Variants in ADAMTS9 observed in about 807,000 individuals in gnomAD.
ADAMTS9 encodes the protein ADAM metallopeptidase with thrombospondin type 1 motif 9, also known as A disintegrin and metalloproteinase with thrombospondin motifs 9.
ADAMTS9 carries 107 observed loss-of-function variants against 257.1 expected under a neutral mutation model. That is an observed-to-expected ratio of 0.42 (90% CI 0.36 to 0.49). The LOEUF (loss-of-function observed/expected upper bound fraction) is 0.49. Among genes scored for constraint, ADAMTS9 ranks in the 20% least tolerant of loss-of-function variants. The probability of loss-of-function intolerance (pLI) is 0.03; values close to 1 mark genes in which losing one functional copy is unlikely to be tolerated. For synonymous variants in ADAMTS9, 982 were observed against 880.9 expected (o/e 1.11, Z -2.03); for missense variants, 2,353 against 2,469.1 (o/e 0.95, Z 1.00).
Position 64,687,206 on chromosome 3 carries a change from A to G in ADAMTS9, c.116-238T>C, listed in dbSNP as rs1186621690. ...AGACAATTAACAAGTCAAAATATATATGATTTCAGATATTGATAAATAACC... is the reference window on the plus strand; with the variant it reads ...AGACAATTAACAAGTCAAAATATATGTGATTTCAGATATTGATAAATAACC... On this transcript the variant is annotated intron_variant, in intron 1 of 39. Coordinates refer to ENST00000498707, the MANE Select transcript of ADAMTS9 (RefSeq NM_182920.2). The surrounding 1 kb of genome is among the most constrained non-coding windows in gnomAD (Gnocchi z 4.4). Among the ~76,000 whole-genome samples, 1 of 152,188 alleles carries G rather than the reference A, an allele frequency of 6.6e-6. No individual in the cohort carries two copies. Among genetic ancestry groups the G allele is most frequent in the Non-Finnish European group, 1.5e-5 (1 of 68,034 alleles).
chr3:64,536,592 T>G (rs2106901160), intron 37 of ADAMTS9, among the ~76,000 whole-genome samples: 1 of 152,298 alleles, frequency 6.6e-6, no homozygotes, highest in East Asian at 1.9e-4. Context: ...ACACTTAGGT[T>G]CAAATCCAGA....
intron 30 of ADAMTS9, among the ~76,000 whole-genome samples, chr3:64,559,566 T>C (rs2083386412): frequency 1.3e-5 from 2 of 152,222 alleles, no homozygotes; most frequent in Admixed American, 6.5e-5. Flanking sequence ...GCTTCTTAAA[T>C]AGAGGCCCAG....
At chr3:64,539,063 G>C (rs2083088612) in intron 37 of ADAMTS9, 140 bp downstream of exon 37, 2 of 748,802 alleles carry the variant, frequency 2.7e-6, no homozygotes, top group African/African-American at 3.5e-5. Flanking sequence ...GAGCATTTGA[G>C]AGGGTCTTGA....
intron 11 of ADAMTS9, 137 bp downstream of exon 11, chr3:64,647,803 T>C (rs1700833946): frequency 4.8e-6 from 3 of 628,790 alleles, no homozygotes; most frequent in Admixed American, 7.1e-5. Context: ...CTTCTAAACA[T>C]CTGTCCTCTA....
At chr3:64,681,731 AT>A (rs939516335) in intron 2 of ADAMTS9, among the ~76,000 whole-genome samples, 1 of 151,968 alleles carries the variant, frequency 6.6e-6, no homozygotes, top group African/African-American at 2.4e-5. Context: ...TTTTGTAGAG[AT>A]GGGGGTCTCA....
At chr3:64,603,792 A>T in intron 25 of ADAMTS9, 130 bp downstream of exon 25, 1 of 1,096,356 alleles carries the variant, frequency 9.1e-7, no homozygotes, top group South Asian at 1.5e-5. Context: ...GCACAATTTA[A>T]ATCATAAGAC....
chr3:64,579,460 T>C (rs182503897), intron 28 of ADAMTS9, among the ~76,000 whole-genome samples: 3 of 152,346 alleles, frequency 2.0e-5, no homozygotes, highest in African/African-American at 2.4e-5. Flanking sequence ...TTTTTATCTA[T>C]GGCAACTGCC....
intron 28 of ADAMTS9, among the ~76,000 whole-genome samples, chr3:64,574,931 G>A (rs2083797008): frequency 6.6e-6 from 1 of 152,188 alleles, no homozygotes; most frequent in African/African-American, 2.4e-5. Flanking sequence ...GCTACGCAAT[G>A]TTAATAGCTC....
intron 8 of ADAMTS9, among the ~76,000 whole-genome samples, chr3:64,653,102 G>A (rs553911178): frequency 6.6e-6 from 1 of 152,278 alleles, no homozygotes; most frequent in South Asian, 2.1e-4. Context: ...CTGGTCCCAA[G>A]CATTTGGGTA....
At chr3:64,631,746 G>A in intron 15 of ADAMTS9, 62 bp downstream of exon 15, 1 of 1,439,258 alleles carries the variant, frequency 6.9e-7, no homozygotes, top group Non-Finnish European at 9.8e-7. Context: ...TATTACATGT[G>A]GTTAACAATT....
intron 28 of ADAMTS9, among the ~76,000 whole-genome samples, chr3:64,580,508 C>T (rs2083971969): frequency 1.3e-5 from 2 of 152,108 alleles, no homozygotes; most frequent in Non-Finnish European, 1.5e-5. Context: ...TCCAGAAAGA[C>T]CAAATTTTCT....
At chr3:64,679,097 T>A (rs775046919) in intron 3 of ADAMTS9, among the ~76,000 whole-genome samples, 1 of 152,192 alleles carries the variant, frequency 6.6e-6, no homozygotes, top group African/African-American at 2.4e-5. Context: ...AACTAACGCA[T>A]CTTCATTGTC....
chr3:64,666,038 C>T (rs72892824), intron 3 of ADAMTS9, among the ~76,000 whole-genome samples: 11,062 of 152,078 alleles, frequency 0.073, 1,314 homozygotes, highest in African/African-American at 0.25. Flanking sequence ...AAGAATAAAA[C>T]GTGGGTCCAA....
At position 64,686,751 on chromosome 3, in the gene ADAMTS9, A is replaced by C; in HGVS notation, c.333T>G (p.Phe111Leu). The C allele has an allele frequency of 6.2e-7, 1 of 1,614,194 alleles. No homozygotes were observed. Among genetic ancestry groups the C allele is most frequent in the Non-Finnish European group, 8.5e-7 (1 of 1,180,036 alleles). Residue 111 changes from phenylalanine to leucine, a missense_variant, in exon 2 of 40, where the codon TTT (phenylalanine) becomes TTG (leucine). By Grantham distance (22) the Phe-to-Leu change is conservative (BLOSUM62 0). Transcript: ENST00000498707. This position sits in a 1 kb window ranked among gnomAD's most constrained non-coding sequence, Gnocchi z 4.6. ...TAAATCCGGCATTGGCGGTGAGATT[A>C]AATAGAAACTGCTGGCCGAAGGCAG... ...RLSAFGQQFL[F>L]NLTANAGFIA...
chr3:64,519,157 G>A (rs1221099690), intron 39 of ADAMTS9, among the ~76,000 whole-genome samples: 2 of 152,148 alleles, frequency 1.3e-5, no homozygotes, highest in Non-Finnish European at 2.9e-5. Flanking sequence ...CCTCCACACA[G>A]TTTTGTTGTG....
At chr3:64,619,151 CTG>C (rs1402256009) in intron 19 of ADAMTS9, among the ~76,000 whole-genome samples, 4 of 152,160 alleles carry the variant, frequency 2.6e-5, no homozygotes, top group Non-Finnish European at 5.9e-5. Context: ...AATCCACCAT[CTG>C]TGCGATCATA....
At chr3:64,662,322 C>T (rs1701243252) in intron 3 of ADAMTS9, among the ~76,000 whole-genome samples, 1 of 151,906 alleles carries the variant, frequency 6.6e-6, no homozygotes, top group African/African-American at 2.4e-5. Context: ...GTTTTATGTT[C>T]TTGCATCTGG....
At chr3:64,556,003 A>G (rs2083328253) in intron 30 of ADAMTS9, among the ~76,000 whole-genome samples, 1 of 152,228 alleles carries the variant, frequency 6.6e-6, no homozygotes, top group Non-Finnish European at 1.5e-5. Context: ...TGCGCACATC[A>G]AAACCTGGTC....
chr3:64,679,296 T>G (rs961984871), intron 3 of ADAMTS9, among the ~76,000 whole-genome samples: 6 of 152,168 alleles, frequency 3.9e-5, no homozygotes, highest in African/African-American at 1.4e-4. Flanking sequence ...CTCTCTCTTT[T>G]CCACACAGAC....
Sources: gnomAD v4.1 joint callset for allele counts (sites outside exome capture counted in the v4.1 genomes callset) on GRCh38, gnomAD v4.1.1 for gene constraint, Gnocchi (gnomAD v3.1) non-coding constraint, MANE v1.5 for transcripts, NCBI Gene and HGNC (gene_info 2026-07-23, HGNC 2026-07-21) for gene names.